Variants in INIP observed in about 807,000 individuals in gnomAD.
INIP encodes INTS3 and NABP interacting protein, also known as SOSS complex subunit C.
In INIP, 9 loss-of-function variants were observed where a neutral mutation model predicts 14.0. That is an observed-to-expected ratio of 0.64 (90% CI 0.39 to 1.12). The LOEUF is 1.12. Among genes scored for constraint, INIP ranks in the 50% most tolerant of loss-of-function variants. The pLI, the probability that INIP is intolerant of heterozygous loss-of-function variation, is 0.01. For missense variants in INIP, 78 were observed against 122.7 expected, an observed-to-expected ratio of 0.64 and a Z score of 1.72; for synonymous variants, 37 against 41.5, an observed-to-expected ratio of 0.89 and a Z score of 0.41.
rs1045090310 is a variant in INIP, at chr9:112,686,340, T to C, written c.*1198A>G. ...TATCTCATGGTTTTCAGACTTTATT[T>C]TGAATCAGATTCTAATTCTGTAGGA... is the stretch of plus-strand genomic sequence containing the variant. On this transcript the variant is annotated 3_prime_UTR_variant, in exon 5 of 5. Coordinates refer to ENST00000374242, the MANE Select transcript of INIP (RefSeq NM_021218.3). The C allele has an allele frequency of 6.6e-6, 1 of 152,180 alleles. No homozygotes were observed. Among genetic ancestry groups the C allele is most frequent in the African/African-American group, 2.4e-5 (1 of 41,448 alleles). 9.4% of individuals were successfully genotyped at this position (152,180 alleles called of 1,614,324 possible).
rs184988494 is a variant in INIP, at chr9:112,703,157, A to G, written c.26-8924T>C. ...TTGCCAACTAGTGAAAAGGGGTGAG[A>G]GGAAGCATTCCATGGCAGAGGGATC... On this transcript the variant is annotated intron_variant, in intron 2 of 4. Coordinates refer to ENST00000374242, the MANE Select transcript of INIP (RefSeq NM_021218.3). Among the ~76,000 whole-genome samples, 325 of 152,344 alleles carry G rather than the reference A, an allele frequency of 2.1e-3. 2 individuals carry two copies. Among genetic ancestry groups the G allele is most frequent in the African/African-American group, 7.2e-3 (299 of 41,584 alleles).
intron 4 of INIP, among the ~76,000 whole-genome samples, chr9:112,689,261 T>G (rs1356228974): frequency 6.6e-6 from 1 of 152,182 alleles, no homozygotes; most frequent in Non-Finnish European, 1.5e-5. Context: ...CAGCCAAATA[T>G]CCTAGACTCT....
chr9:112,713,877 A>G (rs1838722736), intron 2 of INIP, among the ~76,000 whole-genome samples: 2 of 151,808 alleles, frequency 1.3e-5, no homozygotes, highest in Non-Finnish European at 2.9e-5. Flanking sequence ...CCAGCTACTC[A>G]GGAGGCTGAG....
In INIP at chr9:112,683,968, T is replaced by TCATA. The variant is rs5900011; in HGVS notation, c.*3569_*3570insTATG. 0.37 allele frequency: 55,709 copies of TCATA among 151,738 alleles called. 10,433 individuals carry two copies. Among genetic ancestry groups the TCATA allele is most frequent in the Non-Finnish European group, 0.39 (26,650 of 67,834 alleles). 9.4% of individuals were successfully genotyped at this position (151,738 alleles called of 1,614,324 possible). ...AGTCATTTCAGTTTTTATTCCAGGGTCAAAGCACTGACATCTGCATTATTT... is the reference window on the plus strand; with the variant it reads ...AGTCATTTCAGTTTTTATTCCAGGGTCATACAAAGCACTGACATCTGCATTATTT... On this transcript the variant is annotated 3_prime_UTR_variant, in exon 5 of 5. Coordinates refer to ENST00000374242, the MANE Select transcript of INIP (RefSeq NM_021218.3).
At position 112,684,802 on chromosome 9, in the gene INIP, C is replaced by A. The variant is rs923488866; in HGVS notation, c.*2736G>T. On this transcript the variant is annotated 3_prime_UTR_variant, in exon 5 of 5. Coordinates refer to ENST00000374242, the MANE Select transcript of INIP (RefSeq NM_021218.3). ...TGGGCAGAGCATGTGCTTGTTCTCA[C>A]CTTATGGAGGGAGGAACATACAAAG... The A allele has an allele frequency of 6.6e-6, 1 of 152,120 alleles. No homozygotes were observed. The highest frequency in any genetic ancestry group is 2.4e-5 in the African/African-American group (1 of 41,420). 9.4% of individuals were successfully genotyped at this position (152,120 alleles called of 1,614,324 possible).
chr9:112,693,432 C>T (rs1244683796), intron 3 of INIP, among the ~76,000 whole-genome samples: 1 of 152,172 alleles, frequency 6.6e-6, no homozygotes, highest in Non-Finnish European at 1.5e-5. Flanking sequence ...CATATATTTA[C>T]CTTCTCAGTT....
At chr9:112,691,303 G>GAC (rs1311448183) in intron 3 of INIP, among the ~76,000 whole-genome samples, 3 of 152,336 alleles carry the variant, frequency 2.0e-5, no homozygotes, top group Admixed American at 2.0e-4. Flanking sequence ...TCACATTTCT[G>GAC]ACTTTGTAAC....
At chr9:112,716,059 G>C (rs1439352066) in intron 2 of INIP, among the ~76,000 whole-genome samples, 1 of 152,028 alleles carries the variant, frequency 6.6e-6, no homozygotes, top group Non-Finnish European at 1.5e-5. Flanking sequence ...GTTTTACTTT[G>C]ATGTTCTTCT....
In INIP at chr9:112,716,532, TCA is replaced by T; in HGVS notation, c.-49_-48del. 1 of 1,571,292 alleles carries T rather than the reference TCA, an allele frequency of 6.4e-7. No individual in the cohort carries two copies. The highest frequency in any genetic ancestry group is 8.8e-7 in the Non-Finnish European group (1 of 1,141,112). On this transcript the variant is annotated 5_prime_UTR_variant, in exon 2 of 5. Transcript: ENST00000374242. ...TGTCCAGTGGCAATTGGTCAGCACT[TCA>T]CAATCACCTATAAAATATGTGTACA...
chr9:112,705,339 C>T (rs978271338), intron 2 of INIP, among the ~76,000 whole-genome samples: 6 of 151,926 alleles, frequency 3.9e-5, no homozygotes, highest in Non-Finnish European at 5.9e-5. Flanking sequence ...GACAAGGTCT[C>T]GCTCTGTTGC....
intron 2 of INIP, among the ~76,000 whole-genome samples, chr9:112,705,265 A>G (rs1838422266): frequency 6.6e-6 from 1 of 152,160 alleles, no homozygotes; most frequent in African/African-American, 2.4e-5. Context: ...ACTGGTATTA[A>G]ACATAATTTA....
chr9:112,697,650 TA>T (rs560442450), intron 2 of INIP, among the ~76,000 whole-genome samples: 306 of 152,322 alleles, frequency 2.0e-3, no homozygotes, highest in Admixed American at 3.7e-3. Flanking sequence ...CTCAGGAAAT[TA>T]TAAGAGTTTT....
At chr9:112,707,245 T>A (rs1207587688) in intron 2 of INIP, among the ~76,000 whole-genome samples, 1 of 151,440 alleles carries the variant, frequency 6.6e-6, no homozygotes, top group African/African-American at 2.4e-5. Context: ...GGCCTCTTTT[T>A]TTTTTTTTTT....
chr9:112,690,937 C>G (rs1274061580), intron 3 of INIP, among the ~76,000 whole-genome samples: 1 of 152,192 alleles, frequency 6.6e-6, no homozygotes, highest in African/African-American at 2.4e-5. Flanking sequence ...ATGAATGAAG[C>G]TGCATCACTA....
At chr9:112,688,189 T>A (rs1367643811) in intron 4 of INIP, among the ~76,000 whole-genome samples, 1 of 152,186 alleles carries the variant, frequency 6.6e-6, no homozygotes, top group Non-Finnish European at 1.5e-5. Context: ...AGAATCTGGG[T>A]CAACAAGTTA....
At chr9:112,713,042 T>G (rs1243626879) in intron 2 of INIP, among the ~76,000 whole-genome samples, 1 of 152,068 alleles carries the variant, frequency 6.6e-6, no homozygotes, top group Non-Finnish European at 1.5e-5. Context: ...TGGGAGGAAA[T>G]ACGTGCAAAA....
intron 2 of INIP, among the ~76,000 whole-genome samples, chr9:112,702,712 G>A (rs911715882): frequency 2.0e-5 from 3 of 152,028 alleles, no homozygotes; most frequent in South Asian, 2.1e-4. Context: ...CTACAGGCAC[G>A]TGCCACCACA....
At chr9:112,716,892 T>C (rs1386779026) in intron 1 of INIP, among the ~76,000 whole-genome samples, 4 of 149,344 alleles carry the variant, frequency 2.7e-5, no homozygotes, top group Non-Finnish European at 5.9e-5. Flanking sequence ...GTGGCGGAGG[T>C]TGCAGTGAGC....
chr9:112,688,080 C>T (rs547225401), intron 4 of INIP, among the ~76,000 whole-genome samples: 3 of 125,236 alleles, frequency 2.4e-5, no homozygotes, highest in South Asian at 2.4e-4. Flanking sequence ...AGCGAGACTC[C>T]ATCTCAAATA....
Sources: gnomAD v4.1 joint callset for allele counts (sites outside exome capture counted in the v4.1 genomes callset) on GRCh38, gnomAD v4.1.1 for gene constraint, MANE v1.5 for transcripts, NCBI Gene and HGNC (gene_info 2026-07-23, HGNC 2026-07-21) for gene names.